Variants in ZFAT observed in about 807,000 individuals in gnomAD.
The protein encoded by ZFAT is zinc finger and AT-hook domain containing.
ZFAT carries 64 observed loss-of-function variants against 117.7 expected under a neutral mutation model. The observed-to-expected ratio is 0.54, with a 90% CI of 0.44 to 0.67. The LOEUF (loss-of-function observed/expected upper bound fraction) is 0.67. Ranked by LOEUF, ZFAT falls within the 30% of genes least tolerant of loss-of-function variation. ZFAT has a pLI of 0.00. For synonymous variants in ZFAT, 679 were observed against 615.0 expected (o/e 1.10, Z -1.54); for missense variants, 1,433 against 1,584.5 (o/e 0.90, Z 1.62).
intron 1 of ZFAT, among the ~76,000 whole-genome samples, chr8:134,689,293 G>A (rs894351481): frequency 2.0e-5 from 3 of 152,208 alleles, no homozygotes; most frequent in African/African-American, 4.8e-5. Flanking sequence ...AAATTTGGCC[G>A]CAAAGCACTG....
intron 1 of ZFAT, among the ~76,000 whole-genome samples, chr8:134,670,467 T>C (rs1014774940): frequency 6.6e-6 from 1 of 152,248 alleles, no homozygotes; most frequent in African/African-American, 2.4e-5. Flanking sequence ...ATCGCTCAAC[T>C]ACATGGAAAC....
intron 1 of ZFAT, among the ~76,000 whole-genome samples, chr8:134,670,993 G>T (rs1427099653): frequency 1.3e-5 from 2 of 152,048 alleles, no homozygotes; most frequent in African/African-American, 2.4e-5. Flanking sequence ...AAATAAACTA[G>T]AAAATCTAGA....
At chr8:134,488,685 C>T (rs1340300330) in intron 15 of ZFAT, among the ~76,000 whole-genome samples, 1 of 151,540 alleles carries the variant, frequency 6.6e-6, no homozygotes, top group African/African-American at 2.4e-5. Context: ...TCCCTGCCAC[C>T]AACAGGCTGC....
At chr8:134,678,292 T>C (rs1832902780) in intron 1 of ZFAT, among the ~76,000 whole-genome samples, 2 of 151,686 alleles carry the variant, frequency 1.3e-5, no homozygotes, top group African/African-American at 4.9e-5. Flanking sequence ...AGCATTCCTA[T>C]ACACCAGTAA....
At chr8:134,615,688 C>T (rs1046583925) in intron 3 of ZFAT, among the ~76,000 whole-genome samples, 7 of 152,220 alleles carry the variant, frequency 4.6e-5, no homozygotes, top group Non-Finnish European at 8.8e-5. Flanking sequence ...CTCAAGACTG[C>T]CCCAAATACA....
intron 15 of ZFAT, among the ~76,000 whole-genome samples, chr8:134,506,492 ATCTTTTCCTTGTCTCTT>A (rs2130329353): frequency 6.6e-6 from 1 of 152,320 alleles, no homozygotes; most frequent in East Asian, 1.9e-4. Context: ...TATGGGCAAA[ATCTTTTCCTTGTCTCTT>A]TAAAGACCAA....
chr8:134,783,573 T>A, the ZFAT span: 3 of 152,192 alleles, frequency 2.0e-5, no homozygotes, highest in African/African-American at 7.2e-5. Flanking sequence ...GCAAATATTT[T>A]AGGATTTGCA....
chr8:134,753,133 C>T, the ZFAT span, among the ~76,000 whole-genome samples: 3 of 151,896 alleles, frequency 2.0e-5, no homozygotes, highest in Non-Finnish European at 4.4e-5. Flanking sequence ...TCCAGATGTT[C>T]GAGGTTACAA....
At chr8:134,563,836 G>A (rs77756222) in intron 11 of ZFAT, among the ~76,000 whole-genome samples, 2,020 of 152,186 alleles carry the variant, frequency 0.013, 61 homozygotes, top group African/African-American at 0.045. Context: ...TCTGTGTCCT[G>A]ACCAAAAATC....
intron 10 of ZFAT, among the ~76,000 whole-genome samples, chr8:134,580,569 T>C (rs993041127): frequency 9.9e-5 from 15 of 152,178 alleles, no homozygotes; most frequent in African/African-American, 3.1e-4. Context: ...AGAAAAACTA[T>C]GTAAGCTTCA....
At chr8:134,715,782 T>C (rs111267804), upstream of ZFAT, among the ~76,000 whole-genome samples, 249 of 152,376 alleles carry the variant, frequency 1.6e-3, 1 homozygote, top group African/African-American at 5.5e-3. Context: ...CATGAAATGG[T>C]ATTTAGTTAT....
chr8:134,738,868 G>A, the ZFAT span, among the ~76,000 whole-genome samples: 5 of 152,298 alleles, frequency 3.3e-5, no homozygotes, highest in South Asian at 8.3e-4. Context: ...GTGGAGCAGA[G>A]AACAGTGGGG....
At chr8:134,664,898 A>C (rs910685346) in intron 1 of ZFAT, among the ~76,000 whole-genome samples, 5 of 152,260 alleles carry the variant, frequency 3.3e-5, no homozygotes, top group Non-Finnish European at 7.3e-5. Flanking sequence ...ATTCAGCACA[A>C]AGAAAATCAC....
intron 11 of ZFAT, among the ~76,000 whole-genome samples, chr8:134,557,757 T>C (rs1823757209): frequency 6.6e-6 from 1 of 152,316 alleles, no homozygotes; most frequent in African/African-American, 2.4e-5. Context: ...AGTTAAAAGA[T>C]GTTGATAATT....
intron 15 of ZFAT, among the ~76,000 whole-genome samples, chr8:134,499,224 C>T (rs1318037100): frequency 7.8e-6 from 1 of 127,602 alleles, no homozygotes; most frequent in African/African-American, 3.0e-5. Context: ...AGCTGGGATG[C>T]CCCCGTTGCT....
At chr8:134,710,519 T>C (rs1381235513) in intron 1 of ZFAT, among the ~76,000 whole-genome samples, 1 of 152,244 alleles carries the variant, frequency 6.6e-6, no homozygotes, top group African/African-American at 2.4e-5. Flanking sequence ...AGCGCATGTA[T>C]CTAAATTGCA....
chr8:134,627,609 T>C (rs1829602836), intron 3 of ZFAT, among the ~76,000 whole-genome samples: 1 of 152,222 alleles, frequency 6.6e-6, no homozygotes, highest in Non-Finnish European at 1.5e-5. Context: ...TCTGAGTCAC[T>C]GGGCCACACC....
chr8:134,782,049 G>C, the ZFAT span, among the ~76,000 whole-genome samples: 2 of 152,160 alleles, frequency 1.3e-5, no homozygotes, highest in African/African-American at 4.8e-5. Flanking sequence ...GTTAGGATTG[G>C]TACTCCAACT....
intron 1 of ZFAT, among the ~76,000 whole-genome samples, chr8:134,681,293 G>A (rs896696047): frequency 2.6e-5 from 4 of 152,092 alleles, no homozygotes; most frequent in African/African-American, 7.2e-5. Context: ...CCACACCTCT[G>A]CCCAGTACCC....
Sources: gnomAD v4.1 joint callset for allele counts (sites outside exome capture counted in the v4.1 genomes callset) on GRCh38, gnomAD v4.1.1 for gene constraint, MANE v1.5 for transcripts, NCBI Gene and HGNC (gene_info 2026-07-23, HGNC 2026-07-21) for gene names.